CTXND1: variants seen among roughly 807,000 people sequenced by gnomAD.
CTXND1 encodes the protein cortexin domain-containing 1 protein.
chr15:80,248,242 C>T (rs1343718755), intron 1 of CTXND1, among the ~76,000 whole-genome samples: 1 of 152,210 alleles, frequency 6.6e-6, no homozygotes, highest in Non-Finnish European at 1.5e-5. Flanking sequence ...ATGCAGGCAG[C>T]CCAACCTGGG....
rs550869711 is a variant in CTXND1, at chr15:80,230,502, T to C, written c.-218+21505A>G. On this transcript the variant is annotated intron_variant, in intron 1 of 2. Transcript: ENST00000560778. The stretch of plus-strand genomic sequence containing the variant: ...CTTATTACTCTTTTAAAAGAAACAG[T>C]TCTTAACTTTGTTGTATACTTTCTA... Among the ~76,000 whole-genome samples the C allele has an allele frequency of 4.6e-5, 7 of 152,332 alleles. No individual in the cohort carries two copies. In the East Asian group the frequency reaches 1.2e-3, roughly 25 times the overall value.
intron 1 of CTXND1, among the ~76,000 whole-genome samples, chr15:80,241,347 G>A (rs41416348): frequency 0.034 from 5,196 of 151,970 alleles, 289 homozygotes; most frequent in African/African-American, 0.11. Flanking sequence ...TTCTCCAAAC[G>A]CTGGGCTTCT....
intron 1 of CTXND1, among the ~76,000 whole-genome samples, chr15:80,243,886 A>G (rs1356436148): frequency 6.6e-6 from 1 of 152,156 alleles, no homozygotes; most frequent in Non-Finnish European, 1.5e-5. Flanking sequence ...AGCATTTTGA[A>G]TAAGTGGAAA....
At chr15:80,203,093 A>G (rs1893104019) in intron 2 of CTXND1, among the ~76,000 whole-genome samples, 1 of 152,200 alleles carries the variant, frequency 6.6e-6, no homozygotes, top group South Asian at 2.1e-4. Flanking sequence ...CTTTGAGTGA[A>G]CTGGGAGCTC....
intron 1 of CTXND1, among the ~76,000 whole-genome samples, chr15:80,249,052 A>G (rs1228682276): frequency 6.6e-6 from 1 of 152,014 alleles, no homozygotes; most frequent in African/African-American, 2.4e-5. Flanking sequence ...TCCTGGGCTC[A>G]AGTCATCCTC....
At chr15:80,208,460 T>A (rs1567128568) in intron 1 of CTXND1, among the ~76,000 whole-genome samples, 3 of 152,262 alleles carry the variant, frequency 2.0e-5, no homozygotes, top group Non-Finnish European at 4.4e-5. Flanking sequence ...TGATCCTGCT[T>A]TAATTGCTTT....
intron 1 of CTXND1, among the ~76,000 whole-genome samples, chr15:80,229,407 C>T (rs954371299): frequency 1.3e-4 from 20 of 152,114 alleles, no homozygotes; most frequent in African/African-American, 4.8e-4. Context: ...GAATGGACTC[C>T]CTTGGAGCAG....
chr15:80,250,130 A>G (rs1404340043), intron 1 of CTXND1, among the ~76,000 whole-genome samples: 1 of 152,236 alleles, frequency 6.6e-6, no homozygotes, highest in Non-Finnish European at 1.5e-5. Flanking sequence ...AAACTATTTT[A>G]GGGTTGCAGA....
At chr15:80,247,090 T>C (rs1171280466) in intron 1 of CTXND1, among the ~76,000 whole-genome samples, 1 of 152,198 alleles carries the variant, frequency 6.6e-6, no homozygotes, top group Non-Finnish European at 1.5e-5. Context: ...GTGGTGTGTC[T>C]GTGGTCTCGC....
intron 2 of CTXND1, among the ~76,000 whole-genome samples, 186 bp downstream of exon 2, chr15:80,203,403 T>A (rs2142121288): frequency 6.6e-6 from 1 of 152,110 alleles, no homozygotes. Flanking sequence ...ACACCCGAGG[T>A]CCCTACATGT....
chr15:80,226,411 C>G (rs535070674), intron 1 of CTXND1, among the ~76,000 whole-genome samples: 2 of 152,272 alleles, frequency 1.3e-5, no homozygotes, highest in African/African-American at 4.8e-5. Flanking sequence ...TCTTTTGTAA[C>G]TCCCACTCAG....
chr15:80,250,660 A>G (rs1239287792), intron 1 of CTXND1, among the ~76,000 whole-genome samples: 1 of 152,234 alleles, frequency 6.6e-6, no homozygotes, highest in Non-Finnish European at 1.5e-5. Context: ...TTAGTTTCAG[A>G]ACAGTTTTCC....
intron 1 of CTXND1, among the ~76,000 whole-genome samples, chr15:80,241,792 A>G (rs1252432585): frequency 2.0e-5 from 3 of 152,338 alleles, no homozygotes; most frequent in Middle Eastern, 3.4e-3. Context: ...TTCCACCCAC[A>G]GCACAATTTC....
At chr15:80,240,377 C>G (rs1462174673) in intron 1 of CTXND1, among the ~76,000 whole-genome samples, 1 of 152,208 alleles carries the variant, frequency 6.6e-6, no homozygotes, top group African/African-American at 2.4e-5. Flanking sequence ...CCTCTCTCTA[C>G]CACTCTGTTT....
intron 1 of CTXND1, among the ~76,000 whole-genome samples, chr15:80,204,187 T>C (rs1471891413): frequency 8.0e-5 from 4 of 49,936 alleles, no homozygotes; most frequent in African/African-American, 2.7e-4. Context: ...TATATATATA[T>C]ATATATATAT....
chr15:80,211,715 ACAC>A (rs1380998569), intron 1 of CTXND1, among the ~76,000 whole-genome samples: 2 of 152,250 alleles, frequency 1.3e-5, no homozygotes, highest in African/African-American at 4.8e-5. Flanking sequence ...GTATGAGCTA[ACAC>A]CATTTTAGAT....
At position 80,198,160 on chromosome 15, in the gene CTXND1, GGT is replaced by G. The variant is rs1313279538; in HGVS notation, c.*3608_*3609del. The G allele has an allele frequency of 6.6e-6, 1 of 152,138 alleles. No individual in the cohort carries two copies. The highest frequency in any genetic ancestry group is 1.5e-5 in the Non-Finnish European group (1 of 68,032). 9.4% of individuals were successfully genotyped at this position (152,138 alleles called of 1,614,324 possible). A position where few individuals can be genotyped will look rare whatever the true frequency, so the allele number is the denominator to read the frequency against. On this transcript the variant is annotated 3_prime_UTR_variant, in exon 3 of 3. Coordinates refer to ENST00000560778, the MANE Select transcript of CTXND1 (RefSeq NM_001352888.2). ...ATTTCCCTAAGTGACCCACCACCGA[GGT>G]GTCTTCATTGTCCCAAAGACCACTG...
At chr15:80,204,170 AT>A (rs1174109688) in intron 1 of CTXND1, among the ~76,000 whole-genome samples, 3,948 of 38,814 alleles carry the variant, frequency 0.1, 224 homozygotes, top group Middle Eastern at 0.19. Context: ...AAAAAAAAAA[AT>A]ATATATATAT....
chr15:80,220,589 G>T lies in CTXND1; in HGVS notation c.-217-16849C>A, dbSNP rs571932583. 6.6e-5 allele frequency among the ~76,000 whole-genome samples: 10 copies of T among 152,202 alleles called. No individual in the cohort carries two copies. The South Asian group carries it at 2.1e-3, about 32-fold the overall frequency. On this transcript the variant is annotated intron_variant, in intron 1 of 2. Transcript: ENST00000560778. ...TGAGTTCATGAAAAACTCTGTTAGG[G>T]TGTTGATTGCGATTACATTGCATTT... is the stretch of plus-strand genomic sequence containing the variant.
Sources: allele counts gnomAD v4.1 joint callset (sites outside exome capture counted in the v4.1 genomes callset), GRCh38; gene constraint gnomAD v4.1.1; transcripts MANE v1.5; gene names NCBI Gene and HGNC (gene_info 2026-07-23, HGNC 2026-07-21).